PRKN: variants seen among roughly 807,000 people sequenced by gnomAD.
The protein encoded by PRKN is E3 ubiquitin-protein ligase parkin.
In PRKN, 56 loss-of-function variants were observed where a neutral mutation model predicts 59.5. The observed-to-expected ratio is 0.94, with a 90% confidence interval of 0.76 to 1.18. PRKN has a LOEUF of 1.18. PRKN is among the 50% of genes most tolerant of loss of function. The probability of loss-of-function intolerance (pLI) is 0.00; values close to 1 mark genes in which losing one functional copy is unlikely to be tolerated. For missense variants in PRKN, 657 were observed against 596.4 expected, an observed-to-expected ratio of 1.10 and a Z score of -1.06; for synonymous variants, 250 against 222.1, an observed-to-expected ratio of 1.13 and a Z score of -1.12.
At chr6:162,170,123 C>G (rs1354787612) in intron 4 of PRKN, among the ~76,000 whole-genome samples, 1 of 152,148 alleles carries the variant, frequency 6.6e-6, no homozygotes, top group Non-Finnish European at 1.5e-5. Context: ...CATGAATCTA[C>G]CAGATATTTT....
intron 1 of PRKN, among the ~76,000 whole-genome samples, chr6:162,451,367 TAAAAAAAA>T: frequency 1.9e-5 from 2 of 104,726 alleles, no homozygotes; most frequent in East Asian, 2.5e-4. Context: ...CTTAAAGGAG[TAAAAAAAA>T]AAAAAAAAAA....
At position 161,544,574 on chromosome 6, in the gene PRKN, T is replaced by C. The variant is rs1779731661; in HGVS notation, c.1083+4280A>G. ...TGATGAATGTTAAACACCAAATACA[T>C]GATTCACCAAGAAGAATGAAAAGGC... On this transcript the variant is annotated intron_variant, in intron 9 of 11. Transcript: ENST00000366898. The surrounding 1 kb of genome is among the most constrained non-coding windows in gnomAD (Gnocchi z 5.5). Among the ~76,000 whole-genome samples the C allele has an allele frequency of 6.6e-6, 1 of 152,108 alleles. No homozygotes were observed. Among genetic ancestry groups the C allele is most frequent in the South Asian group, 2.1e-4 (1 of 4,832 alleles).
intron 2 of PRKN, among the ~76,000 whole-genome samples, chr6:162,398,413 A>C (rs945805945): frequency 1.3e-5 from 2 of 151,570 alleles, no homozygotes; most frequent in Non-Finnish European, 2.9e-5. Flanking sequence ...TTTTTGAGAC[A>C]GAGTTTTGCT....
intron 1 of PRKN, among the ~76,000 whole-genome samples, chr6:162,497,155 G>C (rs1281259957): frequency 6.6e-6 from 1 of 152,086 alleles, no homozygotes; most frequent in Non-Finnish European, 1.5e-5. Context: ...CTCCTTTATA[G>C]GGTGTGGCAT....
intron 4 of PRKN, among the ~76,000 whole-genome samples, chr6:162,127,916 G>T (rs969237282): frequency 1.3e-5 from 2 of 152,154 alleles, no homozygotes; most frequent in Non-Finnish European, 2.9e-5. Context: ...CAGTATGAGA[G>T]CTCTGTACTC....
intron 7 of PRKN, among the ~76,000 whole-genome samples, chr6:161,741,405 T>A (rs1583084715): frequency 6.6e-6 from 1 of 151,754 alleles, no homozygotes; most frequent in Admixed American, 6.6e-5. Context: ...CTGAACGGAG[T>A]TGACACCAAG....
At position 161,445,454 on chromosome 6, in the gene PRKN, T is replaced by G. The variant is rs369753228; in HGVS notation, c.1084-58577A>C. ...CCCACCCTCCCCTTTCTCCTACACATGGACACCTCTGAGTGGAATAAGGGA... is the reference window on the plus strand; with the variant it reads ...CCCACCCTCCCCTTTCTCCTACACAGGGACACCTCTGAGTGGAATAAGGGA... On this transcript the variant is annotated intron_variant, in intron 9 of 11. Coordinates refer to ENST00000366898, the MANE Select transcript of PRKN (RefSeq NM_004562.3). The surrounding 1 kb of genome is among the most constrained non-coding windows in gnomAD (Gnocchi z 7.7). Among the ~76,000 whole-genome samples the G allele has an allele frequency of 3.7e-4, 56 of 152,228 alleles. No individual in the cohort carries two copies. The highest frequency in any genetic ancestry group is 1.3e-3 in the African/African-American group (53 of 41,554).
At chr6:162,582,396 T>C (rs1780825000) in intron 1 of PRKN, among the ~76,000 whole-genome samples, 1 of 152,232 alleles carries the variant, frequency 6.6e-6, no homozygotes, top group Admixed American at 6.5e-5. Flanking sequence ...CATCCAGTTA[T>C]TTCAGTTTCA....
At chr6:161,770,956 C>T (rs1380814724) in intron 7 of PRKN, among the ~76,000 whole-genome samples, 1 of 152,154 alleles carries the variant, frequency 6.6e-6, no homozygotes. Flanking sequence ...ACCCTGCTGA[C>T]ACCTTCATCT....
rs1268071282 is a variant in PRKN at position 161,391,179 on chromosome 6, G to A, written c.1084-4302C>T. ...TGCTGAGCTGCATGTCTCATATCTG[G>A]GGCGCCTGGATCCTTCTTTAACCAA... On this transcript the variant is annotated intron_variant, in intron 9 of 11. Coordinates refer to ENST00000366898, the MANE Select transcript of PRKN (RefSeq NM_004562.3). The surrounding 1 kb of genome is among the most constrained non-coding windows in gnomAD (Gnocchi z 4.9). Among the ~76,000 whole-genome samples the A allele has an allele frequency of 2.6e-5, 4 of 152,032 alleles. No homozygotes were observed. The highest frequency in any genetic ancestry group is 9.7e-5 in the African/African-American group (4 of 41,344).
intron 1 of PRKN, among the ~76,000 whole-genome samples, chr6:162,681,006 A>C (rs1181368171): frequency 6.6e-6 from 1 of 152,188 alleles, no homozygotes; most frequent in African/African-American, 2.4e-5. Flanking sequence ...CAAATAAAAC[A>C]AAGTTATTGC....
At chr6:162,555,162 T>C (rs1337425306) in intron 1 of PRKN, among the ~76,000 whole-genome samples, 5 of 152,148 alleles carry the variant, frequency 3.3e-5, no homozygotes, top group Non-Finnish European at 5.9e-5. Context: ...ATATATATTA[T>C]ATATGGAGGC....
rs1382089937 is a variant in PRKN, at chr6:161,902,556, A to ATCTATT, written c.734+70745_734+70746insAATAGA. ...TATCTATCTATCTATCTATTTATTT[A>ATCTATT]TTTATTTATTTTTTTTTTTTTGCGA... On this transcript the variant is annotated intron_variant, in intron 6 of 11. Transcript: ENST00000366898. Among the ~76,000 whole-genome samples, 20 of 118,222 alleles carry ATCTATT rather than the reference A, an allele frequency of 1.7e-4. 3 individuals carry two copies. Among genetic ancestry groups the ATCTATT allele is most frequent in the African/African-American group, 6.3e-4 (18 of 28,560 alleles). The allele number at this position is 118,222 out of a possible 152,430, so 77.6% of individuals were successfully genotyped here. A position where few individuals can be genotyped will look rare whatever the true frequency, so the allele number is the denominator to read the frequency against.
At chr6:161,469,566 A>ATT (rs200038346) in intron 9 of PRKN, among the ~76,000 whole-genome samples, 3 of 150,380 alleles carry the variant, frequency 2.0e-5, no homozygotes, top group East Asian at 1.9e-4. Flanking sequence ...AGAGAGAGAG[A>ATT]GAGAGAAAGA....
chr6:162,602,132 C>A (rs968727978), intron 1 of PRKN, among the ~76,000 whole-genome samples: 2 of 152,134 alleles, frequency 1.3e-5, no homozygotes, highest in Non-Finnish European at 2.9e-5. Context: ...AGGGAGCGTG[C>A]AGGAGAGAGC....
rs1038668103 is a variant in PRKN at position 161,354,192 on chromosome 6, T to C, written c.1286-3981A>G. 2.0e-5 allele frequency among the ~76,000 whole-genome samples: 3 copies of C among 152,180 alleles called. No individual in the cohort carries two copies. Among genetic ancestry groups the C allele is most frequent in the Non-Finnish European group, 4.4e-5 (3 of 68,030 alleles). ...CTAGGGCTTAATATACACAAGGCCATAGAGCTAGACCCAGGCCATGGAGGA... is the reference window on the plus strand; with the variant it reads ...CTAGGGCTTAATATACACAAGGCCACAGAGCTAGACCCAGGCCATGGAGGA... On this transcript the variant is annotated intron_variant, in intron 11 of 11. Coordinates refer to ENST00000366898, the MANE Select transcript of PRKN (RefSeq NM_004562.3). This position sits in a 1 kb window ranked among gnomAD's most constrained non-coding sequence, Gnocchi z 6.7.
chr6:161,710,289 C>T (rs868263317), intron 7 of PRKN, among the ~76,000 whole-genome samples: 1 of 152,128 alleles, frequency 6.6e-6, no homozygotes, highest in Non-Finnish European at 1.5e-5. Context: ...GATGGTTCAG[C>T]CTTATGATGG....
At chr6:162,116,063 C>T (rs1780657222) in intron 4 of PRKN, among the ~76,000 whole-genome samples, 1 of 152,182 alleles carries the variant, frequency 6.6e-6, no homozygotes, top group Non-Finnish European at 1.5e-5. Flanking sequence ...AGAATCCCTC[C>T]TTATTTGCAG....
At chr6:161,977,879 C>T (rs1781111296) in intron 5 of PRKN, among the ~76,000 whole-genome samples, 1 of 152,046 alleles carries the variant, frequency 6.6e-6, no homozygotes, top group African/African-American at 2.4e-5. Flanking sequence ...GTCATTTGCT[C>T]TAAAACTTCC....
Sources: allele counts gnomAD v4.1 joint callset (sites outside exome capture counted in the v4.1 genomes callset), GRCh38; gene constraint gnomAD v4.1.1; non-coding constraint Gnocchi (gnomAD v3.1); transcripts MANE v1.5; gene names NCBI Gene and HGNC (gene_info 2026-07-23, HGNC 2026-07-21).